The following NTNG1 variants were observed in gnomAD, a reference collection of about 807,000 sequenced individuals.
NTNG1 encodes the protein netrin-G1.
A neutral mutation model predicts 54.0 loss-of-function variants in NTNG1; 16 were observed. The ratio of observed to expected loss-of-function variants is 0.30; its 90% CI spans 0.20 to 0.45. The LOEUF (loss-of-function observed/expected upper bound fraction) is 0.45. NTNG1 is among the 20% of genes least tolerant of loss of function. NTNG1 has a pLI of 1.00. For synonymous variants in NTNG1, 255 were observed against 263.1 expected, an observed-to-expected ratio of 0.97 and a Z score of 0.30; for missense variants, 530 against 678.7, an observed-to-expected ratio of 0.78 and a Z score of 2.43.
At chr1:107,370,337 T>A (rs1201151252) in intron 3 of NTNG1, among the ~76,000 whole-genome samples, 1 of 149,938 alleles carries the variant, frequency 6.7e-6, no homozygotes, top group African/African-American at 2.5e-5. Context: ...AGAATTGTCA[T>A]TTTTTTTTGA....
chr1:107,241,995 G>A (rs1034802877), intron 2 of NTNG1, among the ~76,000 whole-genome samples: 1 of 152,112 alleles, frequency 6.6e-6, no homozygotes, highest in Non-Finnish European at 1.5e-5. Flanking sequence ...TCTTTAGGCC[G>A]GGCATGGTGG....
intron 3 of NTNG1, among the ~76,000 whole-genome samples, chr1:107,358,666 A>T (rs1670084082): frequency 8.4e-6 from 1 of 119,276 alleles, no homozygotes; most frequent in Non-Finnish European, 1.8e-5. Flanking sequence ...TCATTCCAGG[A>T]AAAAAAAAAA....
At chr1:107,271,280 T>C (rs140744800) in intron 2 of NTNG1, among the ~76,000 whole-genome samples, 2,356 of 152,260 alleles carry the variant, frequency 0.015, 62 homozygotes, top group African/African-American at 0.05. Context: ...ACATGTGCCA[T>C]GCTGCTGTGC....
chr1:107,180,416 C>T (rs1410587051), intron 2 of NTNG1, among the ~76,000 whole-genome samples: 2 of 152,048 alleles, frequency 1.3e-5, no homozygotes, highest in Admixed American at 6.6e-5. Flanking sequence ...ACTCAGTAAG[C>T]ACATATAAAC....
chr1:107,343,179 A>C (rs548559282), intron 3 of NTNG1, among the ~76,000 whole-genome samples: 2 of 152,160 alleles, frequency 1.3e-5, no homozygotes, highest in Admixed American at 6.6e-5. Context: ...AAAATTAGTA[A>C]TAGGAATCAG....
intron 7 of NTNG1, among the ~76,000 whole-genome samples, chr1:107,459,049 A>G (rs1252758783): frequency 2.6e-5 from 4 of 152,036 alleles, no homozygotes; most frequent in Non-Finnish European, 4.4e-5. Flanking sequence ...TATTTTTATC[A>G]TTATCTTTTA....
chr1:107,295,883 T>A (rs1013449112), intron 2 of NTNG1, among the ~76,000 whole-genome samples: 3 of 152,162 alleles, frequency 2.0e-5, no homozygotes, highest in African/African-American at 7.2e-5. Context: ...TTTTAATATC[T>A]TTGTGCACTA....
chr1:107,173,727 C>CTTTTTTTTTTTTCTTT (rs1656431690), intron 2 of NTNG1, among the ~76,000 whole-genome samples: 1 of 118,614 alleles, frequency 8.4e-6, no homozygotes, highest in Admixed American at 8.2e-5. Flanking sequence ...TTCTTTCTTT[C>CTTTTTTTTTTTTCTTT]TTTTTTTTTT....
intron 3 of NTNG1, among the ~76,000 whole-genome samples, chr1:107,384,445 C>A (rs34337145): frequency 0.11 from 17,136 of 152,114 alleles, 1,177 homozygotes; most frequent in Non-Finnish European, 0.16. Flanking sequence ...CTCTCTCTCT[C>A]TCTATATATA....
At chr1:107,248,260 G>A (rs1662330695) in intron 2 of NTNG1, among the ~76,000 whole-genome samples, 1 of 152,172 alleles carries the variant, frequency 6.6e-6, no homozygotes, top group Non-Finnish European at 1.5e-5. Context: ...TTGGGGTCTT[G>A]ACTCCTGAAT....
Position 107,480,670 on chromosome 1 carries a change from G to C in NTNG1, c.1450G>C (p.Val484Leu), listed in dbSNP as rs200424481. Residue 484 changes from valine to leucine, a missense_variant, in exon 8 of 8, where the codon GTG becomes CTG. Val to Leu is a conservative substitution (Grantham distance 32). Transcript: ENST00000370068. ...GAACGGAGGGACGTGCCACAACAAC[G>C]TGCGCTGCCTGTGCCCGGCCGCATA... is the stretch of plus-strand genomic sequence containing the variant. ...CQNGGTCHNN[V>L]RCLCPAAYTG... 1 of 1,424,472 alleles carries C rather than the reference G, an allele frequency of 7.0e-7. No individual in the cohort carries two copies. Among genetic ancestry groups the C allele is most frequent in the Non-Finnish European group, 9.4e-7 (1 of 1,062,902 alleles). 88.2% of individuals were successfully genotyped at this position (1,424,472 alleles called of 1,614,324 possible).
chr1:107,311,279 C>T (rs549079437), intron 2 of NTNG1, among the ~76,000 whole-genome samples: 15 of 152,152 alleles, frequency 9.9e-5, no homozygotes, highest in South Asian at 8.3e-4. Flanking sequence ...CTCCTGAGAA[C>T]GCAGAAGGAT....
At chr1:107,212,655 GCT>G (rs1659673316) in intron 2 of NTNG1, among the ~76,000 whole-genome samples, 1 of 152,026 alleles carries the variant, frequency 6.6e-6, no homozygotes, top group South Asian at 2.1e-4. Context: ...ATTCATTGGA[GCT>G]TCTGGACATA....
At chr1:107,237,367 A>G (rs1321753128) in intron 2 of NTNG1, among the ~76,000 whole-genome samples, 1 of 152,200 alleles carries the variant, frequency 6.6e-6, no homozygotes, top group African/African-American at 2.4e-5. Flanking sequence ...GTTTTTATAA[A>G]GAAAGCAGAG....
chr1:107,149,173 A>G lies in NTNG1; in HGVS notation c.246+334A>G, dbSNP rs575932692. ...TGGAGGTTGGAAATATGATTAGGTCATATCTGTCATGTTAAGGATAAAATG... is the reference window on the plus strand; with the variant it reads ...TGGAGGTTGGAAATATGATTAGGTCGTATCTGTCATGTTAAGGATAAAATG... On this transcript the variant is annotated intron_variant, in intron 2 of 7. Transcript: ENST00000370068. Among the ~76,000 whole-genome samples, 124 of 152,330 alleles carry G rather than the reference A, an allele frequency of 8.1e-4. 2 individuals carry two copies. In the South Asian group the frequency reaches 0.024, roughly 30 times the overall value.
intron 3 of NTNG1, among the ~76,000 whole-genome samples, chr1:107,389,657 T>C (rs1672242498): frequency 6.6e-6 from 1 of 152,216 alleles, no homozygotes; most frequent in Non-Finnish European, 1.5e-5. Context: ...GACACCCTTA[T>C]TTGGCAATGT....
At chr1:107,407,331 A>G (rs1202332732) in intron 4 of NTNG1, among the ~76,000 whole-genome samples, 1 of 152,158 alleles carries the variant, frequency 6.6e-6, no homozygotes, top group African/African-American at 2.4e-5. Flanking sequence ...TTTAATATCT[A>G]GTTTGAACCA....
chr1:107,476,270 C>T (rs1678319722), intron 7 of NTNG1, among the ~76,000 whole-genome samples: 1 of 152,136 alleles, frequency 6.6e-6, no homozygotes, highest in Non-Finnish European at 1.5e-5. Flanking sequence ...TGATGTTCTT[C>T]AGTTTTCTAT....
chr1:107,342,783 A>ATGAC (rs1335702253), intron 3 of NTNG1, among the ~76,000 whole-genome samples: 33 of 152,232 alleles, frequency 2.2e-4, no homozygotes, highest in Non-Finnish European at 3.2e-4. Context: ...AGGCAGAATT[A>ATGAC]TCCTATAGAG....
Sources: gnomAD v4.1 joint callset for allele counts (sites outside exome capture counted in the v4.1 genomes callset) on GRCh38, gnomAD v4.1.1 for gene constraint, MANE v1.5 for transcripts, NCBI Gene and HGNC (gene_info 2026-07-23, HGNC 2026-07-21) for gene names.